NELL2: variants seen among roughly 807,000 people sequenced by gnomAD.
NELL2 encodes neural EGFL like 2, also known as protein kinase C-binding protein NELL2.
In NELL2, 41 loss-of-function variants were observed where a neutral mutation model predicts 109.6. The ratio of observed to expected loss-of-function variants is 0.37; its 90% CI spans 0.29 to 0.49. The LOEUF is 0.49. Ranked by LOEUF, NELL2 falls within the 20% of genes least tolerant of loss-of-function variation. NELL2 has a pLI of 0.98. For synonymous variants in NELL2, 355 were observed against 344.7 expected, an observed-to-expected ratio of 1.03 and a Z score of -0.33; for missense variants, 900 against 1,008.3, an observed-to-expected ratio of 0.89 and a Z score of 1.45.
At chr12:44,727,961 G>T (rs192522559) in intron 9 of NELL2, among the ~76,000 whole-genome samples, 24 of 152,058 alleles carry the variant, frequency 1.6e-4, no homozygotes, top group African/African-American at 5.8e-4. Context: ...ATATATGGAT[G>T]AATTTCCCCT....
chr12:44,645,129 T>C (rs1947045874), intron 13 of NELL2, among the ~76,000 whole-genome samples: 1 of 151,820 alleles, frequency 6.6e-6, no homozygotes, highest in Non-Finnish European at 1.5e-5. Context: ...TTCTAGGAAA[T>C]AAGAGGTCAA....
At chr12:44,783,853 A>C (rs1942058047) in intron 3 of NELL2, among the ~76,000 whole-genome samples, 1 of 152,068 alleles carries the variant, frequency 6.6e-6, no homozygotes, top group Non-Finnish European at 1.5e-5. Context: ...ACCAAAAAAC[A>C]GATAAAGATA....
intron 12 of NELL2, among the ~76,000 whole-genome samples, chr12:44,692,083 T>G (rs1948916085): frequency 6.6e-6 from 1 of 152,150 alleles, no homozygotes; most frequent in Non-Finnish European, 1.5e-5. Flanking sequence ...ATATAGAACT[T>G]TTACAGCTAG....
chr12:44,515,980 T>C (rs1941240568), intron 19 of NELL2, among the ~76,000 whole-genome samples: 1 of 151,902 alleles, frequency 6.6e-6, no homozygotes, highest in Non-Finnish European at 1.5e-5. Context: ...TATGTAATTA[T>C]ACATAATATT....
At position 44,861,280 on chromosome 12, in the gene NELL2, C is replaced by G. The variant is rs1029822893; in HGVS notation, c.184+13945G>C. Among the ~76,000 whole-genome samples, 7 of 152,228 alleles carry G rather than the reference C, an allele frequency of 4.6e-5. No individual in the cohort carries two copies. The East Asian group carries it at 1.2e-3, about 25-fold the overall frequency. ...TTTGTTTCAGACCCCAAAAATAGGC[C>G]TGACTCAGTAAAGCTCAACACTAGG... On this transcript the variant is annotated intron_variant, in intron 2 of 19. Transcript: ENST00000429094.
chr12:44,559,336 C>T (rs925699295), intron 15 of NELL2, among the ~76,000 whole-genome samples: 4 of 152,076 alleles, frequency 2.6e-5, no homozygotes, highest in Admixed American at 2.6e-4. Flanking sequence ...CAATATTAAC[C>T]TTAAATGTAA....
chr12:44,793,063 C>A (rs1304751680), intron 3 of NELL2, among the ~76,000 whole-genome samples: 1 of 152,082 alleles, frequency 6.6e-6, no homozygotes, highest in East Asian at 1.9e-4. Context: ...TGAAACAATA[C>A]CATAGTGTAC....
At chr12:44,870,401 C>G (rs143430433) in intron 2 of NELL2, among the ~76,000 whole-genome samples, 2 of 152,266 alleles carry the variant, frequency 1.3e-5, no homozygotes, top group Middle Eastern at 6.8e-3. Context: ...GTATTTCTTA[C>G]ACCAGCACCA....
intron 15 of NELL2, among the ~76,000 whole-genome samples, chr12:44,566,533 T>TCACACACA (rs3071958): frequency 6.7e-6 from 1 of 148,762 alleles, no homozygotes; most frequent in African/African-American, 2.5e-5. Flanking sequence ...TTACACATAC[T>TCACACACA]CACACACACA....
chr12:44,879,788 T>C (rs919925151), upstream of NELL2, among the ~76,000 whole-genome samples: 17 of 151,982 alleles, frequency 1.1e-4, 1 homozygote, highest in African/African-American at 3.9e-4. Context: ...TTTAAAACTT[T>C]GCATGTTGGC....
intron 13 of NELL2, among the ~76,000 whole-genome samples, chr12:44,614,729 G>A (rs1405172764): frequency 6.6e-6 from 1 of 151,974 alleles, no homozygotes; most frequent in Non-Finnish European, 1.5e-5. Flanking sequence ...CTTAAGATGA[G>A]GTTTAAATTT....
At chr12:44,905,762 G>T (rs2710442) in intron 1 of NELL2, among the ~76,000 whole-genome samples, 5,293 of 151,898 alleles carry the variant, frequency 0.035, 202 homozygotes, top group African/African-American at 0.086. Flanking sequence ...AGGCCTATAG[G>T]GGGACCTTTG....
chr12:44,645,795 G>C (rs912582796), intron 13 of NELL2, among the ~76,000 whole-genome samples: 5 of 152,118 alleles, frequency 3.3e-5, no homozygotes, highest in African/African-American at 1.2e-4. Flanking sequence ...GTAACTGGTT[G>C]AGTTTCCCAG....
Position 44,532,714 on chromosome 12 carries a change from A to T in NELL2, c.1671T>A (p.Asp557Glu), listed in dbSNP as rs768809190. ...ATTGAACAAAACCATCAGAGCATTC[A>T]TCAATGTCTGGCAAAAAAAGAGGGA... ...FTGPSCETDI[D>E]ECSDGFVQCD... The change falls in exon 16 of 20, where the codon GAT becomes GAA. Residue 557 changes from aspartate to glutamate, a missense_variant. Around this residue, in one of 4 missense-constraint regions of NELL2, gnomAD observed 333 missense variants for 432.3 expected, o/e 0.77. Transcript: ENST00000429094. 1 of 1,606,126 alleles carries T rather than the reference A, an allele frequency of 6.2e-7. No individual in the cohort carries two copies. The highest frequency in any genetic ancestry group is 8.5e-7 in the Non-Finnish European group (1 of 1,177,078).
chr12:44,646,071 T>C (rs552322944), intron 13 of NELL2, among the ~76,000 whole-genome samples: 1 of 152,264 alleles, frequency 6.6e-6, no homozygotes, highest in Admixed American at 6.5e-5. Flanking sequence ...GTATGTCTTT[T>C]TTTTTTATCC....
intron 3 of NELL2, among the ~76,000 whole-genome samples, chr12:44,810,486 T>C (rs937597867): frequency 6.6e-6 from 1 of 152,074 alleles, no homozygotes; most frequent in African/African-American, 2.4e-5. Flanking sequence ...TGCCCATTTG[T>C]ATTGGAAAGA....
chr12:44,772,400 C>T (rs1941586005), intron 9 of NELL2, among the ~76,000 whole-genome samples: 1 of 152,162 alleles, frequency 6.6e-6, no homozygotes, highest in South Asian at 2.1e-4. Context: ...ATTACTATTA[C>T]ATTTATTTTA....
intron 2 of NELL2, among the ~76,000 whole-genome samples, chr12:44,854,483 A>C (rs1037265511): frequency 6.6e-6 from 1 of 152,204 alleles, no homozygotes; most frequent in African/African-American, 2.4e-5. Flanking sequence ...CAGGGGTTAC[A>C]AGAAAAAGAA....
chr12:44,797,254 G>A (rs1179080401), intron 3 of NELL2, among the ~76,000 whole-genome samples: 2 of 152,096 alleles, frequency 1.3e-5, no homozygotes, highest in South Asian at 2.1e-4. Context: ...GACATGGAGA[G>A]AAAGGGTTCA....
Sources: allele counts gnomAD v4.1 joint callset (sites outside exome capture counted in the v4.1 genomes callset), GRCh38; gene constraint gnomAD v4.1.1; regional missense constraint gnomAD v4.1.1; transcripts MANE v1.5; gene names NCBI Gene and HGNC (gene_info 2026-07-23, HGNC 2026-07-21).